Variants in CUX1 observed in about 807,000 individuals in gnomAD.
The protein encoded by CUX1 is cut like homeobox 1.
A neutral mutation model predicts 158.8 loss-of-function variants in CUX1; 31 were observed. That is an observed-to-expected ratio of 0.20 (90% CI 0.15 to 0.26). The LOEUF (loss-of-function observed/expected upper bound fraction) is 0.26, where lower values mean the gene tolerates loss of function less well. CUX1 is among the 10% of genes least tolerant of loss of function. The pLI, the probability that CUX1 is intolerant of heterozygous loss-of-function variation, is 1.00. For synonymous variants in CUX1, 879 were observed against 862.1 expected (o/e 1.02, Z -0.34); for missense variants, 1,589 against 2,014.6 (o/e 0.79, Z 4.04).
At chr7:102,092,929 AAAAGAAAG>A (rs1253469214) in intron 4 of CUX1, among the ~76,000 whole-genome samples, 19 of 108,260 alleles carry the variant, frequency 1.8e-4, no homozygotes, top group African/African-American at 2.3e-4. Flanking sequence ...AAAAAAAAAA[AAAAGAAAG>A]AAAGAAAAGA....
chr7:101,832,807 G>C (rs1039836532), intron 1 of CUX1, among the ~76,000 whole-genome samples: 2 of 152,110 alleles, frequency 1.3e-5, no homozygotes, highest in Admixed American at 6.6e-5. Context: ...TTCTGGGCGC[G>C]TCGGAGCGGC....
At chr7:101,932,138 A>G (rs1243721469) in intron 2 of CUX1, among the ~76,000 whole-genome samples, 1 of 152,280 alleles carries the variant, frequency 6.6e-6, no homozygotes, top group Non-Finnish European at 1.5e-5. Flanking sequence ...CTGTTATCAT[A>G]GGTGGCTGTG....
At chr7:101,862,636 C>G (rs1466056190) in intron 1 of CUX1, among the ~76,000 whole-genome samples, 3 of 152,148 alleles carry the variant, frequency 2.0e-5, no homozygotes, top group African/African-American at 4.8e-5. Context: ...GGATTTCACA[C>G]TGACATAATT....
chr7:101,964,533 G>A (rs1227758247), intron 2 of CUX1, among the ~76,000 whole-genome samples: 1 of 152,124 alleles, frequency 6.6e-6, no homozygotes, highest in African/African-American at 2.4e-5. Flanking sequence ...AGCTAGCTTT[G>A]CTTTATTTCA....
intron 2 of CUX1, among the ~76,000 whole-genome samples, chr7:101,981,696 C>T (rs973116922): frequency 3.3e-5 from 5 of 152,050 alleles, no homozygotes; most frequent in East Asian, 1.9e-4. Context: ...CTGCAACCTC[C>T]GCCTCCCTGG....
chr7:102,096,750 G>A (rs1554484299), intron 4 of CUX1, among the ~76,000 whole-genome samples: 1 of 152,180 alleles, frequency 6.6e-6, no homozygotes, highest in Non-Finnish European at 1.5e-5. Flanking sequence ...GGAGTTAACA[G>A]ACTTAGGTGT....
intron 2 of CUX1, among the ~76,000 whole-genome samples, chr7:101,973,504 G>A (rs1256509681): frequency 2.0e-5 from 3 of 152,130 alleles, no homozygotes; most frequent in African/African-American, 7.2e-5. Context: ...TTGAAGTCAT[G>A]CATACAGGGA....
chr7:102,155,846 C>T (rs1415390706), intron 8 of CUX1, among the ~76,000 whole-genome samples: 1 of 152,136 alleles, frequency 6.6e-6, no homozygotes, highest in African/African-American at 2.4e-5. Flanking sequence ...TTAAGAAGCC[C>T]TGACCCTTCC....
In CUX1 at chr7:102,029,208, G is replaced by T. The variant is rs568297991; in HGVS notation, c.189+1063G>T. Among the ~76,000 whole-genome samples the T allele has an allele frequency of 3.3e-5, 5 of 152,140 alleles. No homozygotes were observed. The South Asian group carries it at 8.3e-4, about 25-fold the overall frequency. On this transcript the variant is annotated intron_variant, in intron 3 of 23. Transcript: ENST00000292535. ...CAGTTTCACCATGTTGGCCAGGCTGGTCTCGATCTCCTGACCTCAGGTGAT... is the reference window on the plus strand; with the variant it reads ...CAGTTTCACCATGTTGGCCAGGCTGTTCTCGATCTCCTGACCTCAGGTGAT...
chr7:101,952,292 AT>A (rs1809165525), intron 2 of CUX1, among the ~76,000 whole-genome samples: 1 of 152,138 alleles, frequency 6.6e-6, no homozygotes, highest in African/African-American at 2.4e-5. Context: ...AGACTTGAGG[AT>A]TGCTTGAGAC....
At chr7:102,143,871 C>T (rs935001430) in intron 8 of CUX1, among the ~76,000 whole-genome samples, 4 of 152,104 alleles carry the variant, frequency 2.6e-5, no homozygotes, top group Admixed American at 6.6e-5. Context: ...TAGCCTCCAC[C>T]TCCTGGGTTC....
intron 21 of CUX1, chr7:102,282,602 G>T: frequency 1.7e-6 from 2 of 1,150,284 alleles, no homozygotes; most frequent in Non-Finnish European, 2.5e-6. Flanking sequence ...CCGCCCCGGA[G>T]TCTGGGGCTC....
chr7:101,962,795 A>T (rs995353558), intron 2 of CUX1, among the ~76,000 whole-genome samples: 4 of 152,066 alleles, frequency 2.6e-5, no homozygotes, highest in Admixed American at 6.6e-5. Flanking sequence ...ATCATAGCTC[A>T]CTGCAGCCTC....
chr7:102,239,750 T>C (rs1799986782), intron 23 of CUX1, among the ~76,000 whole-genome samples, 166 bp downstream of exon 23: 1 of 151,380 alleles, frequency 6.6e-6, no homozygotes, highest in African/African-American at 2.4e-5. Context: ...TTTTCTTTTC[T>C]TTTCTTTTCT....
intron 2 of CUX1, among the ~76,000 whole-genome samples, chr7:102,008,725 GGGGTAGGGCCTGA>G (rs1817660939): frequency 6.6e-6 from 1 of 151,898 alleles, no homozygotes; most frequent in African/African-American, 2.4e-5. Context: ...GACAGGACAT[GGGGTAGGGCCTGA>G]ACATTGAGCA....
chr7:101,968,828 T>C (rs1811566857), intron 2 of CUX1, among the ~76,000 whole-genome samples: 1 of 152,146 alleles, frequency 6.6e-6, no homozygotes, highest in African/African-American at 2.4e-5. Flanking sequence ...GGTATGACTC[T>C]GCAAGGTGAC....
intron 2 of CUX1, among the ~76,000 whole-genome samples, chr7:102,018,752 G>A (rs918958624): frequency 7.1e-6 from 1 of 141,720 alleles, no homozygotes; most frequent in African/African-American, 2.6e-5. Flanking sequence ...GCGTGCGTGC[G>A]TGCGCTGTAT....
intron 8 of CUX1, among the ~76,000 whole-genome samples, chr7:102,142,790 T>C (rs1834605753): frequency 6.6e-6 from 1 of 151,102 alleles, no homozygotes; most frequent in South Asian, 2.1e-4. Flanking sequence ...GGAGAGGTGA[T>C]GCACACTTGT....
At chr7:101,973,770 CT>C (rs546846196) in intron 2 of CUX1, among the ~76,000 whole-genome samples, 195 of 137,332 alleles carry the variant, frequency 1.4e-3, no homozygotes, top group Middle Eastern at 3.8e-3. Context: ...TTTTCTTTTT[CT>C]TTTTTTTTTT....
Sources: allele counts gnomAD v4.1 joint callset (sites outside exome capture counted in the v4.1 genomes callset), GRCh38; gene constraint gnomAD v4.1.1; transcripts MANE v1.5; gene names NCBI Gene and HGNC (gene_info 2026-07-23, HGNC 2026-07-21).